FAM199X: variants seen among roughly 807,000 people sequenced by gnomAD.
FAM199X encodes the protein protein FAM199X.
In FAM199X, 4 loss-of-function variants were observed where a neutral mutation model predicts 22.9. The observed-to-expected ratio is 0.17, with a 90% CI of 0.09 to 0.40. The LOEUF is 0.40. Ranked by LOEUF, FAM199X falls within the 10% of genes least tolerant of loss-of-function variation. FAM199X has a pLI of 1.00. For missense variants in FAM199X, 183 were observed against 306.8 expected, an observed-to-expected ratio of 0.60 and a Z score of 3.01; for synonymous variants, 101 against 112.3, an observed-to-expected ratio of 0.90 and a Z score of 0.64.
intron 2 of FAM199X, among the ~76,000 whole-genome samples, chrX:104,181,255 A>G (rs1485332713): frequency 1.8e-5 from 2 of 112,663 alleles, no homozygotes; most frequent in Non-Finnish European, 3.7e-5. Context: ...CATAATATAA[A>G]TATGCCAAAT....
chrX:104,172,014 T>TA (rs1482460449), intron 1 of FAM199X, among the ~76,000 whole-genome samples: 1 of 111,591 alleles, frequency 9.0e-6, no homozygotes, highest in African/African-American at 3.3e-5. Context: ...TATGTCAACT[T>TA]AGACTGTCAC....
At chrX:104,164,866 C>G (rs1569466043), upstream of FAM199X, among the ~76,000 whole-genome samples, 3 of 111,473 alleles carry the variant, frequency 2.7e-5, no homozygotes, top group African/African-American at 9.8e-5. Context: ...AGCGACAGAG[C>G]AAGACTCTGT....
At chrX:104,183,611 C>A (rs111600737) in intron 2 of FAM199X, among the ~76,000 whole-genome samples, 1 of 110,677 alleles carries the variant, frequency 9.0e-6, no homozygotes, top group Admixed American at 9.6e-5. Context: ...ATTACAGGTG[C>A]GCACCACCAC....
At chrX:104,175,490 G>C (rs1452413184) in intron 1 of FAM199X, 133 bp from the exon 2 acceptor site, 1 of 501,224 alleles carries the variant, frequency 2.0e-6, no homozygotes, top group African/African-American at 2.4e-5. Flanking sequence ...TTCCTTAAAA[G>C]GTAGGGGCTC....
Position 104,166,708 on chromosome X carries a change from A to C in FAM199X, c.-78A>C. 1.1e-6 allele frequency: 1 copy of C among 927,689 alleles called. No homozygotes were observed. The highest frequency in any genetic ancestry group is 1.5e-6 in the Non-Finnish European group (1 of 686,240). 76.5% of individuals were successfully genotyped at this position (927,689 alleles called of 1,213,427 possible). A position where few individuals can be genotyped will look rare whatever the true frequency, so the allele number is the denominator to read the frequency against. Reference sequence around the variant, plus strand: ...CCCCGGAGCGTCGGCGACTGCGGACAGGTTAGAGTGGGGGCAGGGGCGGGC... The same window carrying C: ...CCCCGGAGCGTCGGCGACTGCGGACCGGTTAGAGTGGGGGCAGGGGCGGGC... On this transcript the variant is annotated 5_prime_UTR_variant, in exon 1 of 6. Transcript: ENST00000493442.
In FAM199X at chrX:104,192,518, T is replaced by C. The variant is rs920003038; in HGVS notation, c.*2740T>C. ...CAGAAACATTTTATTAGAGATCTTA[T>C]AGTAGTATCTCAGTTCCTACTACAG... On this transcript the variant is annotated 3_prime_UTR_variant, in exon 6 of 6. Transcript: ENST00000493442. The C allele has an allele frequency of 4.5e-5, 5 of 111,520 alleles. No individual in the cohort carries two copies. The highest frequency in any genetic ancestry group is 7.6e-5 in the Non-Finnish European group (4 of 52,946). The allele number at this position is 111,520 out of a possible 1,213,427, so 9.2% of individuals were successfully genotyped here. A position where few individuals can be genotyped will look rare whatever the true frequency, so the allele number is the denominator to read the frequency against.
At position 104,186,475 on chromosome X, in the gene FAM199X, T is replaced by C; in HGVS notation, c.583T>C (p.Tyr195His). ...TNDEQVEYIE[Y>H]LSRKVSTEMG... The stretch of plus-strand genomic sequence containing the variant: ...CATCACATAGGTGGAATATATTGAG[T>C]ATCTGAGTCGGAAAGTGAGTACTGA... Residue 195 changes from tyrosine (Y) to histidine (H), a missense_variant, in exon 4 of 6, where the codon TAT becomes CAT. Physicochemically the swap from Tyr to His is moderately conservative, Grantham distance 83. This residue lies in a region of FAM199X where 128 missense variants were observed against 246.2 expected (regional missense o/e 0.52). Transcript: ENST00000493442. The C allele has an allele frequency of 4.1e-6, 5 of 1,209,243 alleles. No homozygotes were observed. The highest frequency in any genetic ancestry group is 4.5e-6 in the Non-Finnish European group (4 of 894,648).
At chrX:104,189,557 G>A in intron 5 of FAM199X, 51 bp from the exon 6 acceptor site, 2 of 1,151,555 alleles carry the variant, frequency 1.7e-6, no homozygotes, top group Non-Finnish European at 2.4e-6. Flanking sequence ...ATTTTGGGGT[G>A]GATATGCCAA....
chrX:104,192,532 T>G lies in FAM199X; in HGVS notation c.*2754T>G, dbSNP rs1237983160. On this transcript the variant is annotated 3_prime_UTR_variant, in exon 6 of 6. Transcript: ENST00000493442. ...TAGAGATCTTATAGTAGTATCTCAGTTCCTACTACAGCTTTCTAAAGGATG... is the reference window on the plus strand; with the variant it reads ...TAGAGATCTTATAGTAGTATCTCAGGTCCTACTACAGCTTTCTAAAGGATG... 9.0e-6 allele frequency: 1 copy of G among 111,469 alleles called. No individual in the cohort carries two copies. Among genetic ancestry groups the G allele is most frequent in the African/African-American group, 3.2e-5 (1 of 30,809 alleles). The allele number at this position is 111,469 out of a possible 1,213,427, so 9.2% of individuals were successfully genotyped here.
At chrX:104,176,030 G>T (rs1412371873) in intron 2 of FAM199X, among the ~76,000 whole-genome samples, 188 bp downstream of exon 2, 1 of 111,607 alleles carries the variant, frequency 9.0e-6, no homozygotes, top group African/African-American at 3.2e-5. Context: ...GTACCTTTTT[G>T]ATGCTATAGA....
At chrX:104,163,095 TACACACAC>T (rs35140355), upstream of FAM199X, among the ~76,000 whole-genome samples, 4,107 of 95,352 alleles carry the variant, frequency 0.043, 189 homozygotes, top group African/African-American at 0.14. Context: ...CTCAGCTAAA[TACACACAC>T]ACACACACAC....
chrX:104,181,982 CT>C (rs1389820994), intron 2 of FAM199X, among the ~76,000 whole-genome samples: 2 of 103,766 alleles, frequency 1.9e-5, no homozygotes, highest in East Asian at 3.0e-4. Context: ...TTTCTTTTTT[CT>C]TTTTTTTCTT....
intron 1 of FAM199X, among the ~76,000 whole-genome samples, chrX:104,167,347 C>G (rs1357516056): frequency 1.9e-5 from 2 of 106,784 alleles, no homozygotes; most frequent in African/African-American, 3.4e-5. Flanking sequence ...AGTTTAACCC[C>G]TTCCATTTCC....
At chrX:104,161,348 A>G in the FAM199X span, among the ~76,000 whole-genome samples, 1 of 112,275 alleles carries the variant, frequency 8.9e-6, no homozygotes, top group African/African-American at 3.2e-5. Context: ...ATAGGAAAGA[A>G]TATCATAGCT....
At chrX:104,157,866 A>AAATCC in the FAM199X span, among the ~76,000 whole-genome samples, 2 of 111,899 alleles carry the variant, frequency 1.8e-5, no homozygotes, top group Non-Finnish European at 3.8e-5. Context: ...AAAATAAGCA[A>AAATCC]AATCCAACGT....
chrX:104,159,106 G>A, the FAM199X span, among the ~76,000 whole-genome samples: 1 of 112,129 alleles, frequency 8.9e-6, no homozygotes, highest in Non-Finnish European at 1.9e-5. Context: ...GTCAGTGTAA[G>A]GGGTAGAGCT....
chrX:104,169,179 G>T (rs1317771078), intron 1 of FAM199X, among the ~76,000 whole-genome samples: 1 of 111,793 alleles, frequency 8.9e-6, no homozygotes, highest in African/African-American at 3.3e-5. Flanking sequence ...GCAAAGTTTA[G>T]GGAGTTCTTT....
At chrX:104,160,960 T>A in the FAM199X span, among the ~76,000 whole-genome samples, 2 of 111,732 alleles carry the variant, frequency 1.8e-5, no homozygotes, top group African/African-American at 6.5e-5. Flanking sequence ...AAGATAATAA[T>A]TTTCTTTAGG....
intron 2 of FAM199X, among the ~76,000 whole-genome samples, chrX:104,184,824 A>G (rs970910473): frequency 9.1e-6 from 1 of 110,135 alleles, no homozygotes; most frequent in South Asian, 3.8e-4. Flanking sequence ...TCTGTCGTCC[A>G]GGCTGGTATG....
Sources: allele counts gnomAD v4.1 joint callset (sites outside exome capture counted in the v4.1 genomes callset), GRCh38; gene constraint gnomAD v4.1.1; regional missense constraint gnomAD v4.1.1; transcripts MANE v1.5; gene names NCBI Gene and HGNC (gene_info 2026-07-23, HGNC 2026-07-21).